The following CHGB variants were observed in gnomAD, a reference collection of about 807,000 sequenced individuals.
CHGB encodes chromogranin B.
CHGB carries 46 observed loss-of-function variants against 69.9 expected under a neutral mutation model. That is an observed-to-expected ratio of 0.66 (90% CI 0.52 to 0.84). The LOEUF is 0.84. CHGB is among the 40% of genes least tolerant of loss of function. The pLI is 0.00. For synonymous variants in CHGB, 312 were observed against 298.2 expected, an observed-to-expected ratio of 1.05 and a Z score of -0.48; for missense variants, 796 against 822.2, an observed-to-expected ratio of 0.97 and a Z score of 0.39.
chr20:5,912,307 G>A (rs1327240492), intron 1 of CHGB, among the ~76,000 whole-genome samples: 1 of 152,038 alleles, frequency 6.6e-6, no homozygotes, highest in Non-Finnish European at 1.5e-5. Flanking sequence ...CTAGGGACAG[G>A]TAATTTCTAA....
At chr20:5,912,254 A>G (rs1376696186) in intron 1 of CHGB, among the ~76,000 whole-genome samples, 1 of 152,160 alleles carries the variant, frequency 6.6e-6, no homozygotes, top group East Asian at 1.9e-4. Flanking sequence ...TCATGTATGT[A>G]CAAGTTTAAT....
At position 5,916,314 on chromosome 20, in the gene CHGB, TC is replaced by T; in HGVS notation, c.50-11del. On this transcript the variant is annotated splice_polypyrimidine_tract_variant and intron_variant, in intron 1 of 4. Transcript: ENST00000378961. ...AACTCAAGTCATTTTCCATTCTTTTTCTCCTTCAAAGCTGTCAATTCCATGC... is the reference window on the plus strand; with the variant it reads ...AACTCAAGTCATTTTCCATTCTTTTTTCCTTCAAAGCTGTCAATTCCATGC... 1 of 1,612,292 alleles carries T rather than the reference TC, an allele frequency of 6.2e-7. No individual in the cohort carries two copies. The highest frequency in any genetic ancestry group is 8.5e-7 in the Non-Finnish European group (1 of 1,178,782).
chr20:5,924,204 T>A, intron 4 of CHGB, 104 bp downstream of exon 4: 2 of 1,435,298 alleles, frequency 1.4e-6, no homozygotes, highest in Non-Finnish European at 1.8e-6. Context: ...TGGGAATTAA[T>A]CACTATGAAA....
In CHGB at chr20:5,922,749, G is replaced by C; in HGVS notation, c.605G>C (p.Arg202Thr). The change falls in exon 4 of 5, where the codon AGA becomes ACA. Residue 202 changes from arginine to threonine, a missense_variant. By Grantham distance (71) the Arg-to-Thr change is moderately conservative. This residue lies in a region of CHGB where 518 missense variants were observed against 506.3 expected (regional missense o/e 1.02). Transcript: ENST00000378961. ...GETQNAFLNE[R>T]KQASAIKKEE... ...ACACAAAACGCTTTTCTCAATGAAA[G>C]AAAGCAGGCTTCAGCTATAAAAAAA... is the stretch of plus-strand genomic sequence containing the variant. 1 of 1,614,130 alleles carries C rather than the reference G, an allele frequency of 6.2e-7. No homozygotes were observed. The highest frequency in any genetic ancestry group is 8.5e-7 in the Non-Finnish European group (1 of 1,180,006).
At chr20:5,916,688 A>T in intron 2 of CHGB, 138 bp from the exon 3 acceptor site, 1 of 777,724 alleles carries the variant, frequency 1.3e-6, no homozygotes, top group Non-Finnish European at 2.2e-6. Context: ...CTGTTCCTGT[A>T]AATCTGTATC....
rs1183787332 is a variant in CHGB at position 5,911,613 on chromosome 20, C to T, written c.-21C>T. ...TCCAGCCGCCATCTTCCTTTCCGCA[C>T]AGGGGCCGCCGAGCGGGGCCATGCA... On this transcript the variant is annotated 5_prime_UTR_variant, in exon 1 of 5. Coordinates refer to ENST00000378961, the MANE Select transcript of CHGB (RefSeq NM_001819.3). The T allele has an allele frequency of 6.6e-7, 1 of 1,518,776 alleles. No homozygotes were observed. Among genetic ancestry groups the T allele is most frequent in the East Asian group, 2.7e-5 (1 of 36,886 alleles). 94.1% of individuals were successfully genotyped at this position (1,518,776 alleles called of 1,614,324 possible). A position where few individuals can be genotyped will look rare whatever the true frequency, so the allele number is the denominator to read the frequency against.
rs756174398 is a variant in CHGB at position 5,916,326 on chromosome 20, C to T, written c.50C>T (p.Ala17Val). ...TTTCCATTCTTTTTCTCCTTCAAAG[C>T]TGTCAATTCCATGCCAGTGGATAAC... Reference protein sequence around the residue: ...LSLLGAVGLAAVNSMPVDNRN... With the variant: ...LSLLGAVGLAVVNSMPVDNRN... The change falls in exon 2 of 5, where the codon GCT becomes GTT. Residue 17 changes from alanine to valine, a missense_variant and splice_region_variant. Around this residue, in one of 3 missense-constraint regions of CHGB, gnomAD observed 518 missense variants for 506.3 expected, o/e 1.02. Coordinates refer to ENST00000378961, the MANE Select transcript of CHGB (RefSeq NM_001819.3). 6.2e-7 allele frequency: 1 copy of T among 1,613,070 alleles called. No homozygotes were observed. Among genetic ancestry groups the T allele is most frequent in the Non-Finnish European group, 8.5e-7 (1 of 1,179,366 alleles).
chr20:5,923,278 G>A lies in CHGB; in HGVS notation c.1134G>A (p.Glu378=), dbSNP rs2088528106. Residue 378 remains glutamate, a synonymous_variant, in exon 4 of 5, where the codon GAG becomes GAA. Transcript: ENST00000378961. ...ACAGGGCTCCAAGACCTCAGAGTGA[G>A]GAGAGTTGGGATGAGGAGGACAAGA... ...EEYRAPRPQS[E]ESWDEEDKRN... is the part of the protein sequence containing the mutation. 7 of 1,613,590 alleles carry A rather than the reference G, an allele frequency of 4.3e-6. No individual in the cohort carries two copies. The highest frequency in any genetic ancestry group is 5.9e-6 in the Non-Finnish European group (7 of 1,180,000).
chr20:5,919,711 C>T (rs1017973285), intron 3 of CHGB, among the ~76,000 whole-genome samples: 1 of 152,126 alleles, frequency 6.6e-6, no homozygotes, highest in African/African-American at 2.4e-5. Context: ...AACTTTTATC[C>T]TATTCTAGTT....
intron 4 of CHGB, among the ~76,000 whole-genome samples, chr20:5,924,425 A>C (rs956421613): frequency 1.3e-5 from 2 of 152,132 alleles, no homozygotes; most frequent in African/African-American, 2.4e-5. Context: ...AGAATATTTT[A>C]AAGCTTCCAG....
At chr20:5,913,321 C>T (rs544201902) in intron 1 of CHGB, among the ~76,000 whole-genome samples, 3 of 152,264 alleles carry the variant, frequency 2.0e-5, no homozygotes, top group South Asian at 4.1e-4. Flanking sequence ...ATTTTCATCA[C>T]CCCAGAAAGA....
chr20:5,921,677 C>G (rs1161190047), intron 3 of CHGB, among the ~76,000 whole-genome samples: 1 of 152,222 alleles, frequency 6.6e-6, no homozygotes, highest in East Asian at 1.9e-4. Context: ...ATGGCCCTTT[C>G]CACTGATGTG....
chr20:5,911,564 T>G lies in CHGB; in HGVS notation c.-70T>G. On this transcript the variant is annotated 5_prime_UTR_variant, in exon 1 of 5. Transcript: ENST00000378961. Reference sequence around the variant, plus strand: ...TTTCCGGGGCCGCTCCATCGCGCCTTCCTCCTGCGCCTCGCTTCTCCGGTC... The same window carrying G: ...TTTCCGGGGCCGCTCCATCGCGCCTGCCTCCTGCGCCTCGCTTCTCCGGTC... 6.7e-7 allele frequency: 1 copy of G among 1,481,836 alleles called. No homozygotes were observed. Among genetic ancestry groups the G allele is most frequent in the Non-Finnish European group, 9.0e-7 (1 of 1,109,136 alleles). The allele number at this position is 1,481,836 out of a possible 1,614,324, so 91.8% of individuals were successfully genotyped here.
At chr20:5,913,623 CTTTTCTT>C (rs1371970387) in intron 1 of CHGB, among the ~76,000 whole-genome samples, 79 of 133,474 alleles carry the variant, frequency 5.9e-4, no homozygotes, top group African/African-American at 2.0e-3. Context: ...CTTTTCTTTT[CTTTTCTT>C]TTTTTTTTTT....
At chr20:5,915,244 A>G (rs1448473146) in intron 1 of CHGB, among the ~76,000 whole-genome samples, 1 of 152,258 alleles carries the variant, frequency 6.6e-6, no homozygotes, top group African/African-American at 2.4e-5. Context: ...ATGGCACTGA[A>G]AAATTAAAAT....
intron 3 of CHGB, among the ~76,000 whole-genome samples, chr20:5,920,124 C>T (rs2088505232): frequency 6.6e-6 from 1 of 152,180 alleles, no homozygotes; most frequent in Admixed American, 6.5e-5. Flanking sequence ...TCCAGGCCCA[C>T]CTGCGGGGCT....
intron 3 of CHGB, among the ~76,000 whole-genome samples, chr20:5,920,799 A>G (rs1008707498): frequency 1.3e-5 from 2 of 152,250 alleles, no homozygotes; most frequent in African/African-American, 4.8e-5. Context: ...GAGACTGGTG[A>G]CAGATGGGCC....
rs2088543641 is a variant in CHGB at position 5,925,279 on chromosome 20, G to A, written c.*230G>A. On this transcript the variant is annotated 3_prime_UTR_variant, in exon 5 of 5. Coordinates refer to ENST00000378961, the MANE Select transcript of CHGB (RefSeq NM_001819.3). ...TTCTGCAAAATAGACATATTAACAT[G>A]CTTATGACAATGACTGTGCTACTGT... The A allele has an allele frequency of 2.8e-6, 1 of 357,436 alleles. No homozygotes were observed. Among genetic ancestry groups the A allele is most frequent in the Admixed American group, 4.8e-5 (1 of 20,846 alleles). The allele number at this position is 357,436 out of a possible 1,614,324, so 22.1% of individuals were successfully genotyped here. A position where few individuals can be genotyped will look rare whatever the true frequency, so the allele number is the denominator to read the frequency against.
chr20:5,919,983 T>G (rs2088503957), intron 3 of CHGB, among the ~76,000 whole-genome samples: 1 of 152,156 alleles, frequency 6.6e-6, no homozygotes, highest in Non-Finnish European at 1.5e-5. Context: ...AGAATCTCTT[T>G]GACTAGGGTT....
Sources: allele counts gnomAD v4.1 joint callset (sites outside exome capture counted in the v4.1 genomes callset), GRCh38; gene constraint gnomAD v4.1.1; regional missense constraint gnomAD v4.1.1; transcripts MANE v1.5; gene names NCBI Gene and HGNC (gene_info 2026-07-23, HGNC 2026-07-21).